Variants in KCNMB4 observed in about 807,000 individuals in gnomAD.
KCNMB4 encodes calcium-activated potassium channel subunit beta-4.
Under a neutral mutation model 20.7 loss-of-function variants are expected in KCNMB4, and 3 were observed. The observed-to-expected ratio is 0.14, with a 90% confidence interval of 0.07 to 0.37. The LOEUF is 0.37. KCNMB4 is among the 10% of genes least tolerant of loss of function. The pLI is 1.00. For synonymous variants in KCNMB4, 110 were observed against 113.4 expected (o/e 0.97, Z 0.19); for missense variants, 168 against 265.9 (o/e 0.63, Z 2.56).
intron 1 of KCNMB4, among the ~76,000 whole-genome samples, chr12:70,369,532 C>G (rs1883554568): frequency 6.6e-6 from 1 of 152,134 alleles, no homozygotes; most frequent in Non-Finnish European, 1.5e-5. Flanking sequence ...GTCTTGAATC[C>G]CAGCCGCCTC....
chr12:70,421,031 G>A (rs1193330758), intron 2 of KCNMB4, among the ~76,000 whole-genome samples: 2 of 146,532 alleles, frequency 1.4e-5, no homozygotes, highest in Non-Finnish European at 3.0e-5. Flanking sequence ...CAGCCTGGGC[G>A]ACGTAGCGAG....
At chr12:70,369,075 A>T (rs147238829) in intron 1 of KCNMB4, among the ~76,000 whole-genome samples, 1 of 152,334 alleles carries the variant, frequency 6.6e-6, no homozygotes, top group East Asian at 1.9e-4. Flanking sequence ...AATACATTTT[A>T]TAAAGTAAAG....
intron 1 of KCNMB4, among the ~76,000 whole-genome samples, chr12:70,371,845 T>C (rs778342911): frequency 1.3e-5 from 2 of 152,236 alleles, no homozygotes; most frequent in African/African-American, 2.4e-5. Flanking sequence ...ATGGAACTTA[T>C]ATTCTGCTGG....
At chr12:70,426,787 G>A (rs537531866) in intron 2 of KCNMB4, among the ~76,000 whole-genome samples, 2 of 152,144 alleles carry the variant, frequency 1.3e-5, no homozygotes, top group South Asian at 2.1e-4. Flanking sequence ...CCACAGCACC[G>A]GGAGGATAGA....
intron 1 of KCNMB4, among the ~76,000 whole-genome samples, chr12:70,388,183 C>G (rs1311260018): frequency 6.6e-6 from 1 of 152,056 alleles, no homozygotes; most frequent in Non-Finnish European, 1.5e-5. Context: ...CTCAATAGTA[C>G]TCTATTGTAT....
At position 70,416,598 on chromosome 12, in the gene KCNMB4, A is replaced by G. The variant is rs1868919484; in HGVS notation, c.465-13887A>G. 3.3e-5 allele frequency among the ~76,000 whole-genome samples: 5 copies of G among 152,172 alleles called. No homozygotes were observed. The South Asian group carries it at 1.0e-3, about 32-fold the overall frequency. On this transcript the variant is annotated intron_variant, in intron 2 of 2. Transcript: ENST00000258111. ...TTCTGTATAGTATTTTTGTTCTCCA[A>G]ACATATTTGTAATCCTTCATTTAGG...
At chr12:70,397,512 T>G (rs1644132090) in intron 1 of KCNMB4, among the ~76,000 whole-genome samples, 2 of 152,158 alleles carry the variant, frequency 1.3e-5, no homozygotes, top group Non-Finnish European at 2.9e-5. Flanking sequence ...AAAAGTACTT[T>G]CCATCCAAAA....
At position 70,422,348 on chromosome 12, in the gene KCNMB4, A is replaced by G. The variant is rs907250985; in HGVS notation, c.465-8137A>G. On this transcript the variant is annotated intron_variant, in intron 2 of 2. Transcript: ENST00000258111. ...AAGGAAACCTCTCAGGAATTTCTGG[A>G]ACAAGGCTGTCAGCTAGTTTTCAAA... 3.9e-5 allele frequency among the ~76,000 whole-genome samples: 6 copies of G among 152,214 alleles called. No homozygotes were observed. In the South Asian group the frequency reaches 6.2e-4, roughly 16 times the overall value.
chr12:70,415,465 C>A (rs1868890385), intron 2 of KCNMB4, among the ~76,000 whole-genome samples: 1 of 152,158 alleles, frequency 6.6e-6, no homozygotes, highest in African/African-American at 2.4e-5. Context: ...CTAACATCAG[C>A]CAGGATTCTA....
chr12:70,367,291 C>T (rs936651527), intron 1 of KCNMB4, among the ~76,000 whole-genome samples: 3 of 152,164 alleles, frequency 2.0e-5, no homozygotes, highest in Non-Finnish European at 2.9e-5. Flanking sequence ...TGCCCAGAGG[C>T]TTACTTTAAA....
chr12:70,371,439 G>A (rs544684430), intron 1 of KCNMB4, among the ~76,000 whole-genome samples: 1 of 152,248 alleles, frequency 6.6e-6, no homozygotes, highest in Admixed American at 6.5e-5. Context: ...AGGCAGTGTG[G>A]CCTGCCTGGA....
intron 2 of KCNMB4, among the ~76,000 whole-genome samples, chr12:70,412,623 A>G (rs959928984): frequency 6.6e-6 from 1 of 152,184 alleles, no homozygotes; most frequent in African/African-American, 2.4e-5. Flanking sequence ...TAATTGTACC[A>G]TTGGCTTCTA....
At position 70,366,963 on chromosome 12, in the gene KCNMB4, A is replaced by G; in HGVS notation, c.229A>G (p.Arg77Gly). Residue 77 changes from arginine (R) to glycine (G), a missense_variant, in exon 1 of 3, where the codon AGG becomes GGG. Transcript: ENST00000258111. ...CACCTTCACCTGTGGCGCCGACTGCAGGGGCACCTCGCAGTACCCCTGCGT... is the reference window on the plus strand; with the variant it reads ...CACCTTCACCTGTGGCGCCGACTGCGGGGGCACCTCGCAGTACCCCTGCGT... ...ECTFTCGADC[R>G]GTSQYPCVQV... 6.2e-7 allele frequency: 1 copy of G among 1,609,864 alleles called. No individual in the cohort carries two copies. Among genetic ancestry groups the G allele is most frequent in the Non-Finnish European group, 8.5e-7 (1 of 1,178,132 alleles).
chr12:70,426,336 G>A (rs1869214691), intron 2 of KCNMB4, among the ~76,000 whole-genome samples: 1 of 150,920 alleles, frequency 6.6e-6, no homozygotes, highest in Admixed American at 6.6e-5. Context: ...GAACATAAGT[G>A]TCAATTAGGC....
chr12:70,373,412 G>C (rs1883632978), intron 1 of KCNMB4, among the ~76,000 whole-genome samples: 1 of 152,142 alleles, frequency 6.6e-6, no homozygotes, highest in Admixed American at 6.6e-5. Flanking sequence ...TGCTAGCTTT[G>C]AATACAGAAG....
At chr12:70,387,444 C>T (rs1346074667) in intron 1 of KCNMB4, among the ~76,000 whole-genome samples, 1 of 146,864 alleles carries the variant, frequency 6.8e-6, no homozygotes, top group Non-Finnish European at 1.5e-5. Flanking sequence ...CTCTTGTTGC[C>T]CAGGCTAGAG....
chr12:70,366,892 A>G lies in KCNMB4; in HGVS notation c.158A>G (p.Asn53Ser), dbSNP rs1351828666. ...ALQDLQATEA[N>S]CTVLSVQQIG... is the part of the protein sequence containing the mutation. ...CAGGATCTGCAAGCCACGGAGGCCA[A>G]TTGCACGGTGCTGTCGGTGCAGCAG... Residue 53 changes from asparagine to serine, a missense_variant, in exon 1 of 3, where the codon AAT becomes AGT. Asn to Ser is a conservative substitution (Grantham distance 46). Transcript: ENST00000258111. The G allele has an allele frequency of 6.2e-7, 1 of 1,613,454 alleles. No homozygotes were observed. The highest frequency in any genetic ancestry group is 1.3e-5 in the African/African-American group (1 of 74,892).
intron 1 of KCNMB4, among the ~76,000 whole-genome samples, chr12:70,393,935 C>T (rs541396138): frequency 6.6e-6 from 1 of 152,276 alleles, no homozygotes; most frequent in South Asian, 2.1e-4. Flanking sequence ...AGCCCATTCT[C>T]TGACAAGCAA....
intron 1 of KCNMB4, among the ~76,000 whole-genome samples, chr12:70,368,747 A>G (rs969625880): frequency 1.1e-4 from 16 of 152,218 alleles, no homozygotes; most frequent in African/African-American, 3.1e-4. Flanking sequence ...AATAAATTTC[A>G]TATCTATATA....
Sources: gnomAD v4.1 joint callset for allele counts (sites outside exome capture counted in the v4.1 genomes callset) on GRCh38, gnomAD v4.1.1 for gene constraint, MANE v1.5 for transcripts, NCBI Gene and HGNC (gene_info 2026-07-23, HGNC 2026-07-21) for gene names.